The following THSD4 variants were observed in gnomAD, a reference collection of about 807,000 sequenced individuals.
THSD4 encodes the protein thrombospondin type-1 domain-containing protein 4.
In THSD4, 69 loss-of-function variants were observed where a neutral mutation model predicts 119.0. The ratio of observed to expected loss-of-function variants is 0.58; its 90% CI spans 0.48 to 0.71. THSD4 has a LOEUF of 0.71. Among genes scored for constraint, THSD4 ranks in the 30% least tolerant of loss-of-function variants. The pLI is 0.00. For synonymous variants in THSD4, 524 were observed against 540.4 expected, an observed-to-expected ratio of 0.97 and a Z score of 0.42; for missense variants, 1,393 against 1,391.1, an observed-to-expected ratio of 1.00 and a Z score of -0.02.
intron 7 of THSD4, among the ~76,000 whole-genome samples, chr15:71,613,928 A>G (rs1285141699): frequency 6.6e-6 from 1 of 152,142 alleles, no homozygotes; most frequent in Non-Finnish European, 1.5e-5. Context: ...CTGCATGTAG[A>G]CTAGACCATA....
intron 15 of THSD4, among the ~76,000 whole-genome samples, chr15:71,759,715 C>T (rs1000124380): frequency 6.6e-6 from 1 of 152,182 alleles, no homozygotes; most frequent in African/African-American, 2.4e-5. Context: ...GCAGTACAAT[C>T]GAACTCATAT....
chr15:71,541,850 A>AC (rs1304070229), intron 7 of THSD4, among the ~76,000 whole-genome samples: 8 of 152,228 alleles, frequency 5.3e-5, no homozygotes, highest in Admixed American at 5.2e-4. Context: ...GGTATGGAGC[A>AC]CAAGGACACA....
chr15:71,261,726 CTT>C (rs1213017815), intron 6 of THSD4, among the ~76,000 whole-genome samples: 1 of 152,176 alleles, frequency 6.6e-6, no homozygotes, highest in Non-Finnish European at 1.5e-5. Context: ...GTGCATACTT[CTT>C]TACTGGAAGC....
At chr15:71,677,997 C>G (rs948880017) in intron 8 of THSD4, among the ~76,000 whole-genome samples, 2 of 152,224 alleles carry the variant, frequency 1.3e-5, no homozygotes, top group Admixed American at 6.5e-5. Context: ...CCACTCTAGG[C>G]AGCAGCGCCT....
intron 7 of THSD4, among the ~76,000 whole-genome samples, chr15:71,658,121 A>G (rs1317936507): frequency 6.6e-6 from 1 of 152,114 alleles, no homozygotes; most frequent in Non-Finnish European, 1.5e-5. Flanking sequence ...TCCACACTGC[A>G]GTCATTGTTA....
intron 8 of THSD4, among the ~76,000 whole-genome samples, chr15:71,674,074 C>T (rs761425049): frequency 7.2e-5 from 11 of 152,214 alleles, no homozygotes; most frequent in Admixed American, 3.3e-4. Flanking sequence ...TTCTTCTGTG[C>T]GTCTCCTGTG....
rs144175160 is a variant in THSD4 at position 71,430,143 on chromosome 15, C to T, written c.1152+18320C>T. On this transcript the variant is annotated intron_variant, in intron 7 of 17. Coordinates refer to ENST00000261862, the MANE Select transcript of THSD4 (RefSeq NM_024817.3). Reference sequence around the variant, plus strand: ...AGTTTACTAGCTTCAGCTTGTAGGGCCTTAGGAAAAAAGAAATTTTAATTT... The same window carrying T: ...AGTTTACTAGCTTCAGCTTGTAGGGTCTTAGGAAAAAAGAAATTTTAATTT... Among the ~76,000 whole-genome samples the T allele has an allele frequency of 7.8e-3, 1,176 of 150,856 alleles. 3 individuals carry two copies. The highest frequency in any genetic ancestry group is 0.034 in the Middle Eastern group (10 of 294).
At chr15:71,371,262 C>G (rs185399058) in intron 6 of THSD4, among the ~76,000 whole-genome samples, 190 of 152,262 alleles carry the variant, frequency 1.2e-3, no homozygotes, top group African/African-American at 4.1e-3. Context: ...TTAATTGTAG[C>G]ATTTAGCCCA....
chr15:71,490,361 C>G (rs2140695635), intron 7 of THSD4, among the ~76,000 whole-genome samples: 1 of 152,204 alleles, frequency 6.6e-6, no homozygotes, highest in Admixed American at 6.5e-5. Context: ...GAGATCGAGA[C>G]CATCCTGGCT....
At chr15:71,260,297 T>G (rs752208450) in intron 6 of THSD4, among the ~76,000 whole-genome samples, 3 of 152,210 alleles carry the variant, frequency 2.0e-5, no homozygotes, top group African/African-American at 7.2e-5. Context: ...TTGATTTAAC[T>G]GATTTTTTGG....
Position 71,418,017 on chromosome 15 carries a change from G to T in THSD4, c.1152+6194G>T, listed in dbSNP as rs1382566746. On this transcript the variant is annotated intron_variant, in intron 7 of 17. Transcript: ENST00000261862. ...CTATAGTAAATGGGATTAGTTTTTTGATTTCTTTTTCAGATTGTTTACTAT... is the reference window on the plus strand; with the variant it reads ...CTATAGTAAATGGGATTAGTTTTTTTATTTCTTTTTCAGATTGTTTACTAT... Among the ~76,000 whole-genome samples the T allele has an allele frequency of 5.6e-5, 6 of 106,738 alleles. 2 individuals are homozygous for T. The highest frequency in any genetic ancestry group is 6.2e-4 in the East Asian group (2 of 3,238). 70.0% of individuals were successfully genotyped at this position (106,738 alleles called of 152,430 possible).
chr15:71,110,652 GC>G, upstream of THSD4: 1 of 160,244 alleles, frequency 6.2e-6, no homozygotes, highest in Admixed American at 5.7e-5. Flanking sequence ...GCCTGCTCTA[GC>G]CAGTGTCCTG....
At chr15:71,757,078 C>G (rs1457738666) in intron 14 of THSD4, among the ~76,000 whole-genome samples, 1 of 152,196 alleles carries the variant, frequency 6.6e-6, no homozygotes, top group East Asian at 1.9e-4. Flanking sequence ...GCACATTATA[C>G]AGTCTCCATA....
At chr15:71,408,654 C>A (rs898419528) in intron 6 of THSD4, among the ~76,000 whole-genome samples, 1 of 152,080 alleles carries the variant, frequency 6.6e-6, no homozygotes, top group Non-Finnish European at 1.5e-5. Flanking sequence ...GAGTTTGAGA[C>A]CACCCTGGGC....
At chr15:71,222,125 A>G (rs1466447168) in intron 4 of THSD4, among the ~76,000 whole-genome samples, 18 of 152,048 alleles carry the variant, frequency 1.2e-4, no homozygotes, top group Admixed American at 1.1e-3. Context: ...ATTTCTTCCC[A>G]TTCCCAAAAT....
chr15:71,538,176 ATCCT>A (rs1412024195), intron 7 of THSD4, among the ~76,000 whole-genome samples: 1 of 152,166 alleles, frequency 6.6e-6, no homozygotes, highest in African/African-American at 2.4e-5. Flanking sequence ...CTGCTTAAAA[ATCCT>A]TCCCCACATT....
At chr15:71,578,038 C>T (rs2049486956) in intron 7 of THSD4, among the ~76,000 whole-genome samples, 1 of 151,790 alleles carries the variant, frequency 6.6e-6, no homozygotes, top group Non-Finnish European at 1.5e-5. Flanking sequence ...GCAGTTAAAG[C>T]CACTGCTCCC....
At chr15:71,627,922 C>T (rs1288295691) in intron 7 of THSD4, among the ~76,000 whole-genome samples, 2 of 152,302 alleles carry the variant, frequency 1.3e-5, no homozygotes, top group East Asian at 3.9e-4. Flanking sequence ...GAAGACAAAG[C>T]TTTAGAAAGG....
At chr15:71,325,046 C>T (rs2140365012) in intron 6 of THSD4, among the ~76,000 whole-genome samples, 1 of 152,220 alleles carries the variant, frequency 6.6e-6, no homozygotes, top group Non-Finnish European at 1.5e-5. Flanking sequence ...ATTTGCATTG[C>T]CCTGATGATT....
Sources: allele counts gnomAD v4.1 joint callset (sites outside exome capture counted in the v4.1 genomes callset), GRCh38; gene constraint gnomAD v4.1.1; transcripts MANE v1.5; gene names NCBI Gene and HGNC (gene_info 2026-07-23, HGNC 2026-07-21).